The following STK32C variants were observed in gnomAD, a reference collection of about 807,000 sequenced individuals.
STK32C encodes serine/threonine-protein kinase 32C.
In STK32C, 31 loss-of-function variants were observed where a neutral mutation model predicts 56.5. The ratio of observed to expected loss-of-function variants is 0.55; its 90% CI spans 0.41 to 0.74. The LOEUF is 0.74. Among genes scored for constraint, STK32C ranks in the 30% least tolerant of loss-of-function variants. The probability of loss-of-function intolerance (pLI) is 0.00; values close to 1 mark genes in which losing one functional copy is unlikely to be tolerated. For missense variants in STK32C, 544 were observed against 676.9 expected (o/e 0.80, Z 2.18); for synonymous variants, 309 against 289.4 (o/e 1.07, Z -0.69).
In STK32C at chr10:132,209,150, C is replaced by T. The variant is rs377763793; in HGVS notation, c.1252-49G>A. The T allele has an allele frequency of 1.0e-5, 16 of 1,549,214 alleles. No homozygotes were observed. The African/African-American group carries it at 1.2e-4, about 12-fold the overall frequency. On this transcript the variant is annotated intron_variant, in intron 10 of 11. Transcript: ENST00000298630. Reference sequence around the variant, plus strand: ...AGCGTGGGGGACGCTGTCCAGGTTCCGCCCATGTCCCCTCAAGTGAGTGTC... The same window carrying T: ...AGCGTGGGGGACGCTGTCCAGGTTCTGCCCATGTCCCCTCAAGTGAGTGTC...
intron 1 of STK32C, among the ~76,000 whole-genome samples, chr10:132,299,577 C>T (rs1169569609): frequency 1.3e-5 from 2 of 152,252 alleles, no homozygotes; most frequent in African/African-American, 2.4e-5. Context: ...CCGCTCTGGC[C>T]GAGGTGCCGT....
At chr10:132,324,407 C>T in intron 1 of STK32C, 3 of 761,040 alleles carry the variant, frequency 3.9e-6, no homozygotes, top group Non-Finnish European at 2.4e-6. Context: ...CTTCACTTTG[C>T]AGTCTGAACT....
chr10:132,283,581 A>C (rs1461927417), intron 1 of STK32C, among the ~76,000 whole-genome samples: 12 of 152,148 alleles, frequency 7.9e-5, no homozygotes. Flanking sequence ...AGGCCAGTGA[A>C]GGGGGTGGTT....
intron 1 of STK32C, among the ~76,000 whole-genome samples, chr10:132,277,840 C>T (rs576540454): frequency 1.3e-5 from 2 of 152,196 alleles, no homozygotes; most frequent in African/African-American, 4.8e-5. Flanking sequence ...ACCCGGGGCC[C>T]GACACACCCT....
intron 1 of STK32C, among the ~76,000 whole-genome samples, chr10:132,276,693 G>A (rs561318806): frequency 1.4e-4 from 21 of 152,230 alleles, no homozygotes; most frequent in African/African-American, 3.9e-4. Context: ...AGACTGGGGC[G>A]GGAGGATTGC....
At chr10:132,214,596 AAT>A (rs1342125384) in intron 10 of STK32C, among the ~76,000 whole-genome samples, 7 of 152,372 alleles carry the variant, frequency 4.6e-5, no homozygotes, top group African/African-American at 1.7e-4. Context: ...AGGAGGAATG[AAT>A]AGAGGTAAAA....
intron 1 of STK32C, among the ~76,000 whole-genome samples, chr10:132,251,127 G>A (rs2063889638): frequency 1.3e-5 from 2 of 152,284 alleles, no homozygotes; most frequent in Non-Finnish European, 1.5e-5. Flanking sequence ...CCACAGGACC[G>A]GCCTGGGGGT....
At chr10:132,247,298 G>A (rs1290936570) in intron 1 of STK32C, among the ~76,000 whole-genome samples, 1 of 152,162 alleles carries the variant, frequency 6.6e-6, no homozygotes, top group Admixed American at 6.5e-5. Context: ...ATTTTCCTCT[G>A]AACTGGAAAA....
chr10:132,233,363 T>C (rs1278161361), intron 2 of STK32C, among the ~76,000 whole-genome samples: 1 of 152,160 alleles, frequency 6.6e-6, no homozygotes, highest in Non-Finnish European at 1.5e-5. Context: ...TCTCTTGACG[T>C]CCCTGAGAAG....
At chr10:132,283,474 CATG>C (rs1298635035) in intron 1 of STK32C, among the ~76,000 whole-genome samples, 4 of 152,206 alleles carry the variant, frequency 2.6e-5, no homozygotes, top group Non-Finnish European at 5.9e-5. Context: ...AGGAGGGTGT[CATG>C]GGGACCAGGC....
intron 5 of STK32C, 63 bp from the exon 6 acceptor site, chr10:132,225,679 TC>T (rs1367282620): frequency 6.2e-7 from 1 of 1,610,420 alleles, no homozygotes; most frequent in African/African-American, 1.3e-5. Flanking sequence ...GCGTGCAGGA[TC>T]CTCCTCCCCT....
At chr10:132,276,852 C>T (rs1348660350) in intron 1 of STK32C, among the ~76,000 whole-genome samples, 1 of 152,166 alleles carries the variant, frequency 6.6e-6, no homozygotes, top group African/African-American at 2.4e-5. Flanking sequence ...GGCCCACGGT[C>T]CCCAAGAGTC....
At chr10:132,219,331 T>C (rs553628382) in intron 10 of STK32C, among the ~76,000 whole-genome samples, 1 of 151,626 alleles carries the variant, frequency 6.6e-6, no homozygotes, top group South Asian at 2.1e-4. Context: ...AGCCAAAACA[T>C]CTCCACACAA....
intron 7 of STK32C, 57 bp downstream of exon 7, chr10:132,225,176 T>G: frequency 1.4e-6 from 2 of 1,429,718 alleles, no homozygotes; most frequent in East Asian, 2.4e-5. Flanking sequence ...CCAGCACTGG[T>G]GGGGGCAGAG....
rs1163864952 is a variant in STK32C, at chr10:132,235,498, A to C, written c.319-7370T>G. On this transcript the variant is annotated intron_variant, in intron 2 of 11. Transcript: ENST00000298630. The stretch of plus-strand genomic sequence containing the variant: ...CAACAGAGCAAGACTCAGCCTTAAA[A>C]AAAAAAAAAAAAAAAAGGAAAGAAA... Among the ~76,000 whole-genome samples, 808 of 150,376 alleles carry C rather than the reference A, an allele frequency of 5.4e-3. 24 individuals are homozygous for C. Among genetic ancestry groups the C allele is most frequent in the Non-Finnish European group, 9.0e-3 (607 of 67,436 alleles).
intron 1 of STK32C, among the ~76,000 whole-genome samples, chr10:132,266,373 G>A (rs1024091658): frequency 1.3e-5 from 2 of 152,150 alleles, no homozygotes; most frequent in Admixed American, 6.5e-5. Context: ...GGAGGACAAC[G>A]TTCTCTGTCT....
upstream of STK32C, among the ~76,000 whole-genome samples, chr10:132,311,936 A>C (rs1269198118): frequency 6.6e-6 from 1 of 152,220 alleles, no homozygotes; most frequent in African/African-American, 2.4e-5. This position sits in a 1 kb window ranked among gnomAD's most constrained non-coding sequence, Gnocchi z 4.4. Flanking sequence ...ATCCATGGGC[A>C]GCATGGATTC....
In STK32C at chr10:132,271,891, G is replaced by C. The variant is rs2064837555; in HGVS notation, c.263-25936C>G. Among the ~76,000 whole-genome samples, 3 of 152,224 alleles carry C rather than the reference G, an allele frequency of 2.0e-5. No homozygotes were observed. In the South Asian group the frequency reaches 6.2e-4, roughly 32 times the overall value. ...CCTGCCCCTTCCCAGGCAGCACTGG[G>C]GCTGCCTCAGTGACAACACCACTGC... On this transcript the variant is annotated intron_variant, in intron 1 of 11. Coordinates refer to ENST00000298630, the MANE Select transcript of STK32C (RefSeq NM_173575.4).
chr10:132,245,872 C>T lies in STK32C; in HGVS notation c.318+28G>A, dbSNP rs574523217. The T allele has an allele frequency of 1.2e-5, 20 of 1,609,512 alleles. No individual in the cohort carries two copies. In the African/African-American group the frequency reaches 2.7e-4, roughly 21 times the overall value. On this transcript the variant is annotated intron_variant, in intron 2 of 11. Transcript: ENST00000298630. The stretch of plus-strand genomic sequence containing the variant: ...ACGGTTCTGCCCCTGCCCCCTCAGC[C>T]CAGTCCCCACCCCAGGCCCTGCCTT...
Sources: allele counts gnomAD v4.1 joint callset (sites outside exome capture counted in the v4.1 genomes callset), GRCh38; gene constraint gnomAD v4.1.1; non-coding constraint Gnocchi (gnomAD v3.1); transcripts MANE v1.5; gene names NCBI Gene and HGNC (gene_info 2026-07-23, HGNC 2026-07-21).